The following MACROD2 variants were observed in gnomAD, a reference collection of about 807,000 sequenced individuals.
MACROD2 encodes ADP-ribose glycohydrolase MACROD2.
Under a neutral mutation model 70.4 loss-of-function variants are expected in MACROD2, and 36 were observed. That is an observed-to-expected ratio of 0.51 (90% CI 0.39 to 0.68). The LOEUF (loss-of-function observed/expected upper bound fraction) is 0.68. Ranked by LOEUF, MACROD2 falls within the 30% of genes least tolerant of loss-of-function variation. MACROD2 has a pLI of 0.00. For synonymous variants in MACROD2, 172 were observed against 178.8 expected, an observed-to-expected ratio of 0.96 and a Z score of 0.30; for missense variants, 496 against 538.4, an observed-to-expected ratio of 0.92 and a Z score of 0.78.
intron 8 of MACROD2, among the ~76,000 whole-genome samples, chr20:15,681,093 A>G (rs201223): frequency 0.18 from 27,994 of 152,136 alleles, 2,710 homozygotes; most frequent in African/African-American, 0.25. Context: ...ATGAAGTGAA[A>G]ACGTCCACTC....
intron 8 of MACROD2, among the ~76,000 whole-genome samples, chr20:15,723,953 C>T (rs2050824766): frequency 6.6e-6 from 1 of 152,176 alleles, no homozygotes; most frequent in Non-Finnish European, 1.5e-5. Context: ...CAGCATTTGG[C>T]AGTTGTTTTG....
chr20:15,373,933 C>T (rs1049985925), intron 6 of MACROD2, among the ~76,000 whole-genome samples: 13 of 151,918 alleles, frequency 8.6e-5, no homozygotes, highest in African/African-American at 2.9e-4. Flanking sequence ...CATTTTGCCA[C>T]GTCTGAATTT....
intron 3 of MACROD2, among the ~76,000 whole-genome samples, chr20:14,455,409 T>C (rs1255841789): frequency 6.6e-6 from 1 of 151,912 alleles, no homozygotes; most frequent in East Asian, 1.9e-4. Context: ...AGACAGGCTT[T>C]GATCAACGAA....
At chr20:15,713,628 A>T (rs1195879168) in intron 8 of MACROD2, among the ~76,000 whole-genome samples, 1 of 152,112 alleles carries the variant, frequency 6.6e-6, no homozygotes, top group South Asian at 2.1e-4. Context: ...CACAAGGAGG[A>T]TAGTGCTAAA....
intron 8 of MACROD2, among the ~76,000 whole-genome samples, chr20:15,688,955 T>C (rs992988799): frequency 1.3e-5 from 2 of 152,250 alleles, no homozygotes; most frequent in Admixed American, 1.3e-4. Flanking sequence ...AAGTATTTAT[T>C]GCTCACTTAA....
At chr20:14,414,788 T>C (rs944149883) in intron 3 of MACROD2, among the ~76,000 whole-genome samples, 1 of 152,124 alleles carries the variant, frequency 6.6e-6, no homozygotes, top group African/African-American at 2.4e-5. Flanking sequence ...GGGAATCCTG[T>C]TTCCTCAGAT....
chr20:14,273,626 G>A (rs2082219735), intron 3 of MACROD2, among the ~76,000 whole-genome samples: 1 of 147,774 alleles, frequency 6.8e-6, no homozygotes, highest in African/African-American at 2.5e-5. Flanking sequence ...CTAGCAGAAG[G>A]CAAGAAATAA....
chr20:15,789,448 A>G (rs8124533), intron 8 of MACROD2, among the ~76,000 whole-genome samples: 4,828 of 152,236 alleles, frequency 0.032, 271 homozygotes, highest in African/African-American at 0.11. Flanking sequence ...TTTTTCTTAT[A>G]TGACAGCAAA....
At chr20:14,843,400 C>T (rs2073107361) in intron 5 of MACROD2, among the ~76,000 whole-genome samples, 1 of 151,780 alleles carries the variant, frequency 6.6e-6, no homozygotes, top group Admixed American at 6.6e-5. Flanking sequence ...AATAAAAATA[C>T]ATATCTTGGG....
intron 5 of MACROD2, among the ~76,000 whole-genome samples, chr20:14,865,531 G>A (rs897731203): frequency 1.3e-5 from 2 of 151,740 alleles, no homozygotes; most frequent in African/African-American, 2.4e-5. Flanking sequence ...CCTGGAGTTC[G>A]TTATTCTAGT....
intron 8 of MACROD2, among the ~76,000 whole-genome samples, chr20:15,602,050 G>A (rs1237775811): frequency 6.6e-6 from 1 of 151,988 alleles, no homozygotes; most frequent in Admixed American, 6.5e-5. Flanking sequence ...AACTTGAACT[G>A]TTTCGATTCT....
intron 8 of MACROD2, among the ~76,000 whole-genome samples, chr20:15,708,129 G>T (rs1025250007): frequency 6.6e-6 from 1 of 151,996 alleles, no homozygotes; most frequent in Non-Finnish European, 1.5e-5. Context: ...ATTTTACTCA[G>T]GCATTTATTA....
At chr20:14,857,249 C>T (rs536424587) in intron 5 of MACROD2, among the ~76,000 whole-genome samples, 2 of 152,254 alleles carry the variant, frequency 1.3e-5, no homozygotes, top group South Asian at 4.2e-4. Context: ...AGTTGCCTGA[C>T]CAAGAATGCT....
At chr20:14,264,129 A>G (rs1401679853) in intron 3 of MACROD2, among the ~76,000 whole-genome samples, 1 of 151,038 alleles carries the variant, frequency 6.6e-6, no homozygotes. Flanking sequence ...ATAATACACA[A>G]TGCAATTTGG....
At chr20:15,663,213 C>T (rs2049846286) in intron 8 of MACROD2, among the ~76,000 whole-genome samples, 1 of 148,584 alleles carries the variant, frequency 6.7e-6, no homozygotes, top group Admixed American at 6.8e-5. Context: ...TTCTGTTTCT[C>T]AAGAGAAGTC....
chr20:14,774,955 A>G (rs1269390949), intron 5 of MACROD2, among the ~76,000 whole-genome samples: 1 of 152,102 alleles, frequency 6.6e-6, no homozygotes, highest in African/African-American at 2.4e-5. Flanking sequence ...ACAATTACCA[A>G]ACTGTCTCAA....
rs769273379 is a variant in MACROD2, at chr20:14,600,327, CAT to C, written c.302-84500_302-84499del. ...GTAAAAAGTATGTAATATGCAGCTACATATATATATATATATACACACACACA... is the reference window on the plus strand; with the variant it reads ...GTAAAAAGTATGTAATATGCAGCTACATATATATATATATACACACACACA... On this transcript the variant is annotated intron_variant, in intron 4 of 17. Coordinates refer to ENST00000684519, the MANE Select transcript of MACROD2 (RefSeq NM_001351661.2). 6.4e-3 allele frequency among the ~76,000 whole-genome samples: 826 copies of C among 128,560 alleles called. 22 individuals carry two copies. The highest frequency in any genetic ancestry group is 0.051 in the Middle Eastern group (13 of 256). The allele number at this position is 128,560 out of a possible 152,430, so 84.3% of individuals were successfully genotyped here.
intron 5 of MACROD2, among the ~76,000 whole-genome samples, chr20:14,752,222 A>G (rs558719985): frequency 3.3e-5 from 5 of 151,394 alleles, no homozygotes; most frequent in South Asian, 4.2e-4. Flanking sequence ...TTAATTACCT[A>G]TTTTATATTT....
chr20:15,163,996 AAAGT>A (rs1173906458), intron 5 of MACROD2, among the ~76,000 whole-genome samples: 1 of 152,108 alleles, frequency 6.6e-6, no homozygotes, highest in East Asian at 1.9e-4. Flanking sequence ...AGGCAGACAA[AAAGT>A]AAAGTAAATA....
Sources: allele counts gnomAD v4.1 joint callset (sites outside exome capture counted in the v4.1 genomes callset), GRCh38; gene constraint gnomAD v4.1.1; transcripts MANE v1.5; gene names NCBI Gene and HGNC (gene_info 2026-07-23, HGNC 2026-07-21).